ANKRD36: variants seen among roughly 807,000 people sequenced by gnomAD.
ANKRD36 encodes ankyrin repeat domain 36, also known as ankyrin repeat domain-containing protein 36A.
ANKRD36 carries 179 observed loss-of-function variants against 278.1 expected under a neutral mutation model. The observed-to-expected ratio is 0.64, with a 90% confidence interval of 0.57 to 0.73. ANKRD36 has a LOEUF of 0.73. Among genes scored for constraint, ANKRD36 ranks in the 30% least tolerant of loss-of-function variants. The pLI is 0.00. For synonymous variants in ANKRD36, 320 were observed against 641.1 expected (o/e 0.50, Z 7.57); for missense variants, 1,159 against 1,956.7 (o/e 0.59, Z 7.69).
intron 6 of ANKRD36, among the ~76,000 whole-genome samples, chr2:97,137,294 G>C (rs894598471): frequency 4.0e-5 from 6 of 151,690 alleles, no homozygotes; most frequent in African/African-American, 1.5e-4. Flanking sequence ...TTACATACGT[G>C]TGCCACCACA....
chr2:97,201,748 C>G (rs2061431960), intron 46 of ANKRD36, among the ~76,000 whole-genome samples: 1 of 151,884 alleles, frequency 6.6e-6, no homozygotes, highest in Non-Finnish European at 1.5e-5. Context: ...AATTGTGTGC[C>G]TTCTCAGTTA....
chr2:97,225,988 G>C (rs1411644978), intron 67 of ANKRD36, among the ~76,000 whole-genome samples: 1 of 151,784 alleles, frequency 6.6e-6, no homozygotes, highest in Non-Finnish European at 1.5e-5. Context: ...GTATTCCATG[G>C]TGTCTATGTG....
chr2:97,170,069 A>G (rs960062978), intron 22 of ANKRD36, among the ~76,000 whole-genome samples: 2 of 152,002 alleles, frequency 1.3e-5, no homozygotes, highest in Non-Finnish European at 2.9e-5. Flanking sequence ...ACAGCTACCA[A>G]AACAGTGATA....
At chr2:97,228,273 T>C (rs2070642458) in intron 67 of ANKRD36, among the ~76,000 whole-genome samples, 1 of 152,086 alleles carries the variant, frequency 6.6e-6, no homozygotes, top group African/African-American at 2.4e-5. Context: ...TCCTGGACTC[T>C]TTTTGGTTGG....
chr2:97,263,144 TG>T (rs2076912121), intron 75 of ANKRD36, among the ~76,000 whole-genome samples: 1 of 132,388 alleles, frequency 7.6e-6, no homozygotes, highest in African/African-American at 3.0e-5. Flanking sequence ...AGGAAACTTG[TG>T]GAACTTAATT....
At chr2:97,169,174 A>G (rs1177314121) in intron 22 of ANKRD36, among the ~76,000 whole-genome samples, 1 of 152,158 alleles carries the variant, frequency 6.6e-6, no homozygotes, top group Non-Finnish European at 1.5e-5. Context: ...ATGGTATCTC[A>G]TTGTGGTTTT....
At position 97,211,683 on chromosome 2, in the gene ANKRD36, G is replaced by T; in HGVS notation, c.3411G>T (p.Lys1137Asn). 6.3e-7 allele frequency: 1 copy of T among 1,594,594 alleles called. No homozygotes were observed. Among genetic ancestry groups the T allele is most frequent in the South Asian group, 1.1e-5 (1 of 87,822 alleles). ...ATTCTATTCAGGCTATCTGTGACAA[G>T]GAAGATTCTGTTCCGAATATGGCCA... The part of the protein sequence containing the change: ...KQPALKAICD[K>N]EDSVPNMATE... The change falls in exon 58 of 76, where the codon AAG becomes AAT. Residue 1137 changes from lysine (K) to asparagine (N), a missense_variant. Lys to Asn is a moderately conservative substitution (Grantham distance 94). Transcript: ENST00000420699.
intron 30 of ANKRD36, among the ~76,000 whole-genome samples, chr2:97,186,983 A>G (rs1276726440): frequency 6.6e-6 from 1 of 151,848 alleles, no homozygotes; most frequent in Admixed American, 6.6e-5. Context: ...AAATCATATT[A>G]TGTTTGAAAT....
intron 34 of ANKRD36, 136 bp from the exon 35 acceptor site, chr2:97,190,842 G>T: frequency 7.4e-7 from 1 of 1,345,186 alleles, no homozygotes; most frequent in East Asian, 2.6e-5. Flanking sequence ...CCAGTCCCAA[G>T]AGACAAAGTA....
chr2:97,227,582 T>A (rs546874283), intron 67 of ANKRD36, among the ~76,000 whole-genome samples: 1 of 152,212 alleles, frequency 6.6e-6, no homozygotes, highest in African/African-American at 2.4e-5. Context: ...CAGGGACAAT[T>A]TGACTTCCTC....
At chr2:97,177,673 A>G (rs985070194) in intron 22 of ANKRD36, among the ~76,000 whole-genome samples, 5 of 151,922 alleles carry the variant, frequency 3.3e-5, no homozygotes, top group Admixed American at 1.3e-4. Context: ...TACAAAAATC[A>G]ATTCAAGATG....
At chr2:97,128,139 G>A (rs1162665824) in intron 6 of ANKRD36, among the ~76,000 whole-genome samples, 1 of 151,228 alleles carries the variant, frequency 6.6e-6, no homozygotes, top group Admixed American at 6.6e-5. Context: ...CTGGTCAACA[G>A]GGAAGAATAA....
chr2:97,193,876 C>G (rs895623540), intron 38 of ANKRD36, among the ~76,000 whole-genome samples: 4 of 151,626 alleles, frequency 2.6e-5, no homozygotes, highest in African/African-American at 4.8e-5. Flanking sequence ...CCCAACAAGA[C>G]TATTTTAGAC....
intron 6 of ANKRD36, among the ~76,000 whole-genome samples, chr2:97,136,886 T>G (rs1378363574): frequency 6.6e-6 from 1 of 152,092 alleles, no homozygotes; most frequent in Non-Finnish European, 1.5e-5. Context: ...TTATGACTAT[T>G]TTATACTGCA....
At chr2:97,227,810 A>G (rs2070401650) in intron 67 of ANKRD36, among the ~76,000 whole-genome samples, 1 of 152,114 alleles carries the variant, frequency 6.6e-6, no homozygotes, top group Admixed American at 6.5e-5. Flanking sequence ...AATACGTCCC[A>G]TCAATACCTA....
In ANKRD36 at chr2:97,124,549, C is replaced by A. The variant is rs199948939; in HGVS notation, c.683C>A (p.Ala228Glu). Residue 228 changes from alanine (A) to glutamate (E), a missense_variant, in exon 5 of 76, where the codon GCG becomes GAG. Transcript: ENST00000420699. The stretch of plus-strand genomic sequence containing the variant: ...AATATTGATGTGCTTTCTCGAGATG[C>A]GTTTCGAAAGATTGCAGGAGATTAT... Reference protein sequence around the residue: ...QHNIDVLSRDAFRKIAGDYAI... With the variant: ...QHNIDVLSRDEFRKIAGDYAI... The A allele has an allele frequency of 6.4e-7, 1 of 1,552,946 alleles. No individual in the cohort carries two copies. Among genetic ancestry groups the A allele is most frequent in the Non-Finnish European group, 8.7e-7 (1 of 1,147,378 alleles).
intron 44 of ANKRD36, 54 bp from the exon 45 acceptor site, chr2:97,200,280 G>A: frequency 6.2e-7 from 1 of 1,606,070 alleles, no homozygotes; most frequent in Non-Finnish European, 8.5e-7. Flanking sequence ...TGAATCTATG[G>A]ATAATTTTAT....
intron 66 of ANKRD36, among the ~76,000 whole-genome samples, chr2:97,220,050 ACT>A: frequency 9.7e-6 from 1 of 102,878 alleles, no homozygotes; most frequent in Non-Finnish European, 1.6e-5. Context: ...TGATTAGCAC[ACT>A]GTGTGTGTGT....
At chr2:97,207,690 G>A (rs2063246634) in intron 52 of ANKRD36, 121 bp from the exon 53 acceptor site, 5 of 1,455,468 alleles carry the variant, frequency 3.4e-6, no homozygotes, top group South Asian at 2.5e-5. Flanking sequence ...CAAAGTAGAA[G>A]CCATCAAAGC....
Sources: gnomAD v4.1 joint callset for allele counts (sites outside exome capture counted in the v4.1 genomes callset) on GRCh38, gnomAD v4.1.1 for gene constraint, MANE v1.5 for transcripts, NCBI Gene and HGNC (gene_info 2026-07-23, HGNC 2026-07-21) for gene names.